The following CTSC variants were observed in gnomAD, a reference collection of about 807,000 sequenced individuals.
The protein encoded by CTSC is dipeptidyl peptidase 1.
In CTSC, 37 loss-of-function variants were observed where a neutral mutation model predicts 40.9. That is an observed-to-expected ratio of 0.91 (90% CI 0.70 to 1.19). The LOEUF is 1.19. Among genes scored for constraint, CTSC ranks in the 50% most tolerant of loss-of-function variants. The pLI, the probability that CTSC is intolerant of heterozygous loss-of-function variation, is 0.00. For missense variants in CTSC, 594 were observed against 567.3 expected (o/e 1.05, Z -0.48); for synonymous variants, 232 against 207.4 (o/e 1.12, Z -1.02).
At chr11:88,327,032 C>T (rs217061) in intron 2 of CTSC, among the ~76,000 whole-genome samples, 43,395 of 151,966 alleles carry the variant, frequency 0.29, 7,404 homozygotes, top group East Asian at 0.56. Context: ...TCCTAAGCTA[C>T]CACCATACAA....
Position 88,337,566 on chromosome 11 carries a change from A to G in CTSC, c.107T>C (p.Leu36Pro), listed in dbSNP as rs1440497026. ...TPANCTYLDL[L>P]GTWVFQVGSS... ...GCCCACCTGGAAGACCCAGGTGCCC[A>G]GCAGGTCAAGATAGGTGCAGTTGGC... The change falls in exon 1 of 7, where the codon CTG (leucine) becomes CCG (proline). Residue 36 changes from leucine to proline, a missense_variant. Transcript: ENST00000227266. The G allele has an allele frequency of 6.3e-7, 1 of 1,576,282 alleles. No homozygotes were observed. Among genetic ancestry groups the G allele is most frequent in the Admixed American group, 1.8e-5 (1 of 54,960 alleles).
chr11:88,329,295 A>G (rs916389738), intron 2 of CTSC, among the ~76,000 whole-genome samples: 5 of 151,988 alleles, frequency 3.3e-5, no homozygotes, highest in Admixed American at 6.6e-5. Flanking sequence ...CAGTCTGGTC[A>G]ACATGGTGAA....
At chr11:88,301,804 A>ATG (rs944297122) in intron 4 of CTSC, among the ~76,000 whole-genome samples, 121 of 91,226 alleles carry the variant, frequency 1.3e-3, no homozygotes, top group African/African-American at 3.6e-3. Flanking sequence ...ACACAAACAC[A>ATG]CGCGCGCACA....
intron 2 of CTSC, among the ~76,000 whole-genome samples, chr11:88,334,311 T>C (rs1005239017): frequency 6.6e-6 from 1 of 152,204 alleles, no homozygotes; most frequent in South Asian, 2.1e-4. Flanking sequence ...CTGAGTATGT[T>C]TGCAATTGGA....
At chr11:88,314,549 A>G (rs1320564550) in intron 2 of CTSC, among the ~76,000 whole-genome samples, 1 of 151,940 alleles carries the variant, frequency 6.6e-6, no homozygotes, top group African/African-American at 2.4e-5. Context: ...TTTTTTTCAG[A>G]CAGAGTCTCA....
At chr11:88,321,350 G>C (rs1938008424) in intron 2 of CTSC, 1 of 152,116 alleles carries the variant, frequency 6.6e-6, no homozygotes, top group South Asian at 2.1e-4. Flanking sequence ...CACATGCTTA[G>C]CATTCCAGAA....
rs1300199391 is a variant in CTSC at position 88,337,639 on chromosome 11, G to A, written c.34C>T (p.Leu12Phe). ...CCGTCGCCGGAGAGAAGCAGCAGGA[G>A]GGCGGCGAGCAGCAAGGAGGGCCCA... is the stretch of plus-strand genomic sequence containing the variant. ...GAGPSLLLAA[L>F]LLLLSGDGAV... The change falls in exon 1 of 7, where the codon CTC (leucine) becomes TTC (phenylalanine). Residue 12 changes from leucine to phenylalanine, a missense_variant. By Grantham distance (22) the Leu-to-Phe change is conservative. Coordinates refer to ENST00000227266, the MANE Select transcript of CTSC (RefSeq NM_001814.6). 6.3e-7 allele frequency: 1 copy of A among 1,584,606 alleles called. No homozygotes were observed. The highest frequency in any genetic ancestry group is 8.6e-7 in the Non-Finnish European group (1 of 1,164,960).
chr11:88,317,996 C>T (rs960435389), intron 2 of CTSC, among the ~76,000 whole-genome samples: 1 of 152,134 alleles, frequency 6.6e-6, no homozygotes, highest in Non-Finnish European at 1.5e-5. Context: ...CTCATTTTAT[C>T]AGCTATCCAA....
intron 1 of CTSC, among the ~76,000 whole-genome samples, chr11:88,335,833 C>T (rs1451616): frequency 0.046 from 6,998 of 152,246 alleles, 212 homozygotes; most frequent in East Asian, 0.1. Context: ...AGACAATGTG[C>T]TAAGCCCAGG....
chr11:88,313,313 C>A lies in CTSC; in HGVS notation c.319-759G>T, dbSNP rs184646875. 1.2e-3 allele frequency among the ~76,000 whole-genome samples: 188 copies of A among 152,234 alleles called. 5 individuals are homozygous for A. Among genetic ancestry groups the A allele is most frequent in the African/African-American group, 4.3e-3 (177 of 41,538 alleles). On this transcript the variant is annotated intron_variant, in intron 2 of 6. Transcript: ENST00000227266. ...CTTGAACTCCAGACAAGTGATCCACCCACCTCGGCCTCCCAAAGTGATGGG... is the reference window on the plus strand; with the variant it reads ...CTTGAACTCCAGACAAGTGATCCACACACCTCGGCCTCCCAAAGTGATGGG...
chr11:88,333,027 C>T (rs1176362640), intron 2 of CTSC, among the ~76,000 whole-genome samples: 1 of 152,226 alleles, frequency 6.6e-6, no homozygotes, highest in Admixed American at 6.5e-5. Context: ...TGTGCTTACA[C>T]CGTGATTCAC....
chr11:88,314,219 A>C (rs1278294346), intron 2 of CTSC, among the ~76,000 whole-genome samples: 1 of 152,224 alleles, frequency 6.6e-6, no homozygotes, highest in Non-Finnish European at 1.5e-5. Context: ...GTGCAAAGGG[A>C]ATACATAAAT....
intron 5 of CTSC, chr11:88,299,138 C>T (rs1944330326): frequency 6.6e-6 from 1 of 152,078 alleles, no homozygotes. Context: ...AGAAGCAACA[C>T]TATAGTATCA....
intron 4 of CTSC, among the ~76,000 whole-genome samples, chr11:88,307,789 G>T (rs528837897): frequency 1.1e-4 from 17 of 152,168 alleles, no homozygotes; most frequent in Admixed American, 2.6e-4. Context: ...GATGGGTTTG[G>T]ATACCAGGCT....
At chr11:88,328,616 A>G (rs953710164) in intron 2 of CTSC, among the ~76,000 whole-genome samples, 6 of 152,096 alleles carry the variant, frequency 3.9e-5, no homozygotes, top group Non-Finnish European at 5.9e-5. Context: ...TTCTCAACAT[A>G]GAGTTCTTGT....
chr11:88,295,795 G>A (rs1280259818), intron 6 of CTSC, among the ~76,000 whole-genome samples: 1 of 152,152 alleles, frequency 6.6e-6, no homozygotes, highest in Non-Finnish European at 1.5e-5. Flanking sequence ...TAAAAGCTGT[G>A]AGACCTTCAA....
intron 2 of CTSC, among the ~76,000 whole-genome samples, chr11:88,316,365 T>C (rs1937877320): frequency 6.6e-6 from 1 of 152,014 alleles, no homozygotes; most frequent in South Asian, 2.1e-4. Context: ...TCCCAGCACT[T>C]TGGAACGCCG....
At chr11:88,324,653 A>G in intron 2 of CTSC, 4 of 984,230 alleles carry the variant, frequency 4.1e-6, no homozygotes, top group Non-Finnish European at 4.8e-6. Flanking sequence ...ATCTGGAAAG[A>G]GATGAAAACA....
At chr11:88,308,823 G>A (rs1466661527) in intron 4 of CTSC, among the ~76,000 whole-genome samples, 1 of 152,100 alleles carries the variant, frequency 6.6e-6, no homozygotes, top group Non-Finnish European at 1.5e-5. Context: ...TATTGCCATG[G>A]TTTTTCTTTA....
Sources: allele counts gnomAD v4.1 joint callset (sites outside exome capture counted in the v4.1 genomes callset), GRCh38; gene constraint gnomAD v4.1.1; transcripts MANE v1.5; gene names NCBI Gene and HGNC (gene_info 2026-07-23, HGNC 2026-07-21).